The following VRK3 variants were observed in gnomAD, a reference collection of about 807,000 sequenced individuals.
The protein encoded by VRK3 is VRK serine/threonine kinase 3, also known as serine/threonine-protein kinase VRK3.
A neutral mutation model predicts 60.4 loss-of-function variants in VRK3; 50 were observed. That is an observed-to-expected ratio of 0.83 (90% CI 0.66 to 1.05). The LOEUF (loss-of-function observed/expected upper bound fraction) is 1.05, where lower values mean the gene tolerates loss of function less well. Among genes scored for constraint, VRK3 ranks in the 50% least tolerant of loss-of-function variants. The probability of loss-of-function intolerance (pLI) is 0.00; values close to 1 mark genes in which losing one functional copy is unlikely to be tolerated. For missense variants in VRK3, 549 were observed against 585.3 expected, an observed-to-expected ratio of 0.94 and a Z score of 0.64; for synonymous variants, 246 against 227.8, an observed-to-expected ratio of 1.08 and a Z score of -0.72.
At chr19:50,024,368 G>A (rs1470048051) in intron 1 of VRK3, among the ~76,000 whole-genome samples, 1 of 152,246 alleles carries the variant, frequency 6.6e-6, no homozygotes, top group Non-Finnish European at 1.5e-5. Context: ...AGTTCAGAGT[G>A]GGTATTGCCA....
Position 50,009,344 on chromosome 19 carries a change from T to A in VRK3, c.181A>T (p.Lys61Ter), listed in dbSNP as rs538043288. Residue 61 changes from lysine to a stop codon, truncating the protein, a stop_gained, in exon 4 of 15, where the codon AAG (lysine) becomes TAG (stop). Coordinates refer to ENST00000316763, the MANE Select transcript of VRK3 (RefSeq NM_016440.4). LOFTEE classifies it high-confidence loss of function. Reference protein sequence around the residue: ...GLNSSFETSPKKVKWSSTVTS... With the variant: ...GLNSSFETSP The stretch of plus-strand genomic sequence containing the variant: ...ACGGTGCTGGACCATTTCACTTTCT[T>A]AGGAGAGGTTTCAAAACTGGAGTTC... 6 of 1,613,872 alleles carry A rather than the reference T, an allele frequency of 3.7e-6. No individual in the cohort carries two copies. Among genetic ancestry groups the A allele is most frequent in the Non-Finnish European group, 3.4e-6 (4 of 1,179,980 alleles).
intron 3 of VRK3, chr19:50,015,672 G>A (rs749140010): frequency 1.8e-4 from 41 of 227,926 alleles, no homozygotes; most frequent in Non-Finnish European, 3.1e-4. Context: ...CCCAAAATCT[G>A]AAAAAATCCA....
chr19:49,979,111 G>A lies in VRK3; in HGVS notation c.1408C>T (p.Leu470Phe), dbSNP rs2076378524. The A allele has an allele frequency of 6.2e-7, 1 of 1,611,176 alleles. No homozygotes were observed. The highest frequency in any genetic ancestry group is 1.3e-5 in the African/African-American group (1 of 74,816). The change falls in exon 14 of 15, where the codon CTC (leucine) becomes TTC (phenylalanine). Residue 470 changes from leucine to phenylalanine, a missense_variant. Transcript: ENST00000316763. ...GATTCCACCTAGGGCACCATCGGGAGGCCAATGGGGTCATATGGAGACACA... is the reference window on the plus strand; with the variant it reads ...GATTCCACCTAGGGCACCATCGGGAAGCCAATGGGGTCATATGGAGACACA... Reference protein sequence around the residue: ...LRVSPYDPIGLPMVP With the variant: ...LRVSPYDPIGFPMVP
chr19:49,986,911 G>A (rs776957726), intron 12 of VRK3: 2 of 152,286 alleles, frequency 1.3e-5, no homozygotes, highest in African/African-American at 4.8e-5. Flanking sequence ...AGTCCAAGAC[G>A]GAGTCTTGCT....
intron 3 of VRK3, 33 bp downstream of exon 3, chr19:50,015,991 C>T: frequency 6.2e-7 from 1 of 1,613,970 alleles, no homozygotes; most frequent in Admixed American, 1.7e-5. Flanking sequence ...CTTATTCCCA[C>T]CGCAGAAACA....
chr19:50,000,837 G>C lies in VRK3; in HGVS notation c.565C>G (p.Leu189Val). The change falls in exon 6 of 15, where the codon CTC becomes GTC. Residue 189 changes from leucine to valine, a missense_variant. Physicochemically the swap from Leu to Val is conservative, Grantham distance 32. Transcript: ENST00000316763. ...ILYEAAPTSTLTCDSGPQKQK... is the reference protein window; with the variant it reads ...ILYEAAPTSTVTCDSGPQKQK... Reference sequence around the variant, plus strand: ...TTCTGTGGTCCTGAGTCACAGGTGAGGGTGGAGGTGGGTGCAGCTGTGGGG... The same window carrying C: ...TTCTGTGGTCCTGAGTCACAGGTGACGGTGGAGGTGGGTGCAGCTGTGGGG... 1 of 1,613,922 alleles carries C rather than the reference G, an allele frequency of 6.2e-7. No homozygotes were observed. Among genetic ancestry groups the C allele is most frequent in the Non-Finnish European group, 8.5e-7 (1 of 1,179,914 alleles).
chr19:50,001,220 G>C, intron 5 of VRK3: 1 of 193,108 alleles, frequency 5.2e-6, no homozygotes. Flanking sequence ...TTCCTCTGGG[G>C]AACCTGGGAT....
chr19:49,987,730 TC>T, intron 12 of VRK3: 1 of 131,316 alleles, frequency 7.6e-6, no homozygotes, highest in South Asian at 2.3e-4. Context: ...TGAGACGGAG[TC>T]TCGCTCTGTC....
Position 49,981,110 on chromosome 19 carries a change from T to G in VRK3, c.1218-97A>C, listed in dbSNP as rs1600648133. The G allele has an allele frequency of 1.4e-5, 15 of 1,056,778 alleles. No homozygotes were observed. In the East Asian group the frequency reaches 3.4e-4, roughly 24 times the overall value. 65.5% of individuals were successfully genotyped at this position (1,056,778 alleles called of 1,614,324 possible). ...AGATATATACACAGCCTAAGATATA[T>G]ACACAGTCCCCTCTGCCATCCAGGG... On this transcript the variant is annotated intron_variant, in intron 12 of 14. Transcript: ENST00000316763.
Position 49,997,492 on chromosome 19 carries a change from CCT to C in VRK3, c.679+10_679+11del, listed in dbSNP as rs547796076. The C allele has an allele frequency of 1.7e-4, 280 of 1,613,628 alleles. 5 individuals carry two copies. In the South Asian group the frequency reaches 2.8e-3, roughly 16 times the overall value. ...TCACTCTCCCCTCCTTGCCCAGTTC[CCT>C]GTCAGGTACCTTGCAGAGGCTTGGC... On this transcript the variant is annotated intron_variant, in intron 7 of 14. Transcript: ENST00000316763.
intron 14 of VRK3, among the ~76,000 whole-genome samples, chr19:49,978,077 G>T (rs549022885): frequency 3.9e-5 from 6 of 152,310 alleles, no homozygotes; most frequent in African/African-American, 1.2e-4. Flanking sequence ...CTGCGACTAG[G>T]ATCTCACAAT....
chr19:49,985,140 G>T (rs1367392946), intron 12 of VRK3, among the ~76,000 whole-genome samples: 1 of 152,192 alleles, frequency 6.6e-6, no homozygotes, highest in Admixed American at 6.5e-5. Flanking sequence ...ACCCATTAGA[G>T]TGTGTGAGGG....
At chr19:49,981,911 C>T (rs1171564230) in intron 12 of VRK3, 3 of 883,952 alleles carry the variant, frequency 3.4e-6, no homozygotes, top group South Asian at 2.1e-5. Context: ...CAAGCAGGCT[C>T]GACTTCAGGA....
In VRK3 at chr19:49,979,234, G is replaced by A; in HGVS notation, c.1285C>T (p.Gln429Ter). 1 of 1,614,104 alleles carries A rather than the reference G, an allele frequency of 6.2e-7. No individual in the cohort carries two copies. The highest frequency in any genetic ancestry group is 1.1e-5 in the South Asian group (1 of 91,078). The change falls in exon 14 of 15, where the codon CAG becomes TAG. Residue 429 changes from glutamine to a stop codon, truncating the protein, a stop_gained. Coordinates refer to ENST00000316763, the MANE Select transcript of VRK3 (RefSeq NM_016440.4). LOFTEE classifies it high-confidence loss of function. ...GHWIRPSETLQKYLKVVMALT... is the reference protein window; with the variant it reads ...GHWIRPSETL ...GCCATCACCACCTTCAGGTACTTCT[G>A]CAGGGTCTCTGTGGTCAAGACAACC...
chr19:50,015,887 G>A (rs879935977), intron 3 of VRK3, 137 bp downstream of exon 3: 10 of 1,156,268 alleles, frequency 8.6e-6, no homozygotes, highest in Non-Finnish European at 1.2e-5. Context: ...AGACAGAGGG[G>A]TCCAGTCCTG....
intron 12 of VRK3, 199 bp from the exon 13 acceptor site, chr19:49,981,212 C>T (rs959518830): frequency 4.9e-5 from 30 of 612,404 alleles, no homozygotes; most frequent in African/African-American, 4.6e-4. Flanking sequence ...AACAGCACTG[C>T]TTCCTGCAAG....
chr19:49,991,195 T>C (rs2076605495), intron 10 of VRK3, among the ~76,000 whole-genome samples: 1 of 152,172 alleles, frequency 6.6e-6, no homozygotes, highest in Non-Finnish European at 1.5e-5. Context: ...CTGGATGAGA[T>C]GAACATTGGG....
In VRK3 at chr19:49,979,224, A is replaced by G; in HGVS notation, c.1295T>C (p.Leu432Pro). Residue 432 changes from leucine to proline, a missense_variant, in exon 14 of 15, where the codon CTG (leucine) becomes CCG (proline). Transcript: ENST00000316763. ...IRPSETLQKYLKVVMALTYEE... is the reference protein window; with the variant it reads ...IRPSETLQKYPKVVMALTYEE... Reference sequence around the variant, plus strand: ...ATACGTGAGGGCCATCACCACCTTCAGGTACTTCTGCAGGGTCTCTGTGGT... The same window carrying G: ...ATACGTGAGGGCCATCACCACCTTCGGGTACTTCTGCAGGGTCTCTGTGGT... The G allele has an allele frequency of 6.2e-7, 1 of 1,613,824 alleles. No homozygotes were observed. The highest frequency in any genetic ancestry group is 8.5e-7 in the Non-Finnish European group (1 of 1,179,968).
intron 10 of VRK3, among the ~76,000 whole-genome samples, chr19:49,990,386 A>C (rs2076589939): frequency 6.6e-6 from 1 of 152,230 alleles, no homozygotes; most frequent in Admixed American, 6.5e-5. Flanking sequence ...TCTTTCAAAA[A>C]TATCTACTTA....
Sources: gnomAD v4.1 joint callset for allele counts (sites outside exome capture counted in the v4.1 genomes callset) on GRCh38, gnomAD v4.1.1 for gene constraint, MANE v1.5 for transcripts, NCBI Gene and HGNC (gene_info 2026-07-23, HGNC 2026-07-21) for gene names.